Variants in SPTY2D1 observed in about 807,000 individuals in gnomAD.
The protein encoded by SPTY2D1 is SPT2 chromatin protein domain containing 1, also known as protein SPT2 homolog.
SPTY2D1 carries 21 observed loss-of-function variants against 64.0 expected under a neutral mutation model. The observed-to-expected ratio is 0.33, with a 90% CI of 0.23 to 0.47. The LOEUF is 0.47. SPTY2D1 is among the 20% of genes least tolerant of loss of function. The probability of loss-of-function intolerance (pLI) is 1.00; values close to 1 mark genes in which losing one functional copy is unlikely to be tolerated. For synonymous variants in SPTY2D1, 287 were observed against 286.8 expected (o/e 1.00, Z -0.01); for missense variants, 724 against 837.2 (o/e 0.86, Z 1.67).
At chr11:18,617,165 A>T (rs10500834) in intron 1 of SPTY2D1, among the ~76,000 whole-genome samples, 176 bp from the exon 2 acceptor site, 84,893 of 152,084 alleles carry the variant, frequency 0.56, 27,659 homozygotes, top group Middle Eastern at 0.75. Context: ...CAGACTATTT[A>T]TTACGTATGG....
Position 18,609,744 on chromosome 11 carries a change from C to A in SPTY2D1, c.*117G>T. The A allele has an allele frequency of 1.2e-6, 1 of 815,586 alleles. No individual in the cohort carries two copies. The highest frequency in any genetic ancestry group is 1.6e-5 in the South Asian group (1 of 60,626). The allele number at this position is 815,586 out of a possible 1,614,324, so 50.5% of individuals were successfully genotyped here. On this transcript the variant is annotated 3_prime_UTR_variant, in exon 6 of 6. Coordinates refer to ENST00000336349, the MANE Select transcript of SPTY2D1 (RefSeq NM_194285.3). Reference sequence around the variant, plus strand: ...CAGCCTGCAAATGACAGTATGCATTCCTTCTCCTTGAGTACCCAAGTATAA... The same window carrying A: ...CAGCCTGCAAATGACAGTATGCATTACTTCTCCTTGAGTACCCAAGTATAA...
intron 1 of SPTY2D1, among the ~76,000 whole-genome samples, chr11:18,629,236 C>T (rs576057452): frequency 2.6e-5 from 4 of 152,284 alleles, no homozygotes; most frequent in East Asian, 3.9e-4. Context: ...TGTGGTGGCT[C>T]GCGCCTGTAA....
chr11:18,611,159 A>G, intron 5 of SPTY2D1, among the ~76,000 whole-genome samples: 1 of 152,256 alleles, frequency 6.6e-6, no homozygotes, highest in East Asian at 1.9e-4. Context: ...AAAAACAGTG[A>G]TGGTCCAGTG....
intron 1 of SPTY2D1, among the ~76,000 whole-genome samples, chr11:18,624,093 C>T (rs1168616484): frequency 4.6e-5 from 7 of 151,896 alleles, no homozygotes; most frequent in Non-Finnish European, 1.5e-5. Flanking sequence ...GCAGGCAAGA[C>T]CTTTCAAAAG....
Position 18,616,859 on chromosome 11 carries a change from G to A in SPTY2D1, c.175+16C>T. 1.9e-6 allele frequency: 3 copies of A among 1,609,044 alleles called. No individual in the cohort carries two copies. The highest frequency in any genetic ancestry group is 2.6e-6 in the Non-Finnish European group (3 of 1,176,404). Reference sequence around the variant, plus strand: ...TGGAATACTTTAAAATTGAGAATAAGGCTATAGATACATACCTTTTCGTCT... The same window carrying A: ...TGGAATACTTTAAAATTGAGAATAAAGCTATAGATACATACCTTTTCGTCT... On this transcript the variant is annotated intron_variant, in intron 2 of 5. Transcript: ENST00000336349.
rs1854155794 is a variant in SPTY2D1 at position 18,609,283 on chromosome 11, T to C, written c.*578A>G. 2.0e-5 allele frequency: 3 copies of C among 152,904 alleles called. No homozygotes were observed. Among genetic ancestry groups the C allele is most frequent in the Admixed American group, 1.3e-4 (2 of 15,316 alleles). The allele number at this position is 152,904 out of a possible 1,614,324, so 9.5% of individuals were successfully genotyped here. A position where few individuals can be genotyped will look rare whatever the true frequency, so the allele number is the denominator to read the frequency against. ...GAATGCTCAGCATCCAATCCATGAATACAGAATTTATTCTACTTTGTACTT... is the reference window on the plus strand; with the variant it reads ...GAATGCTCAGCATCCAATCCATGAACACAGAATTTATTCTACTTTGTACTT... On this transcript the variant is annotated 3_prime_UTR_variant, in exon 6 of 6. Coordinates refer to ENST00000336349, the MANE Select transcript of SPTY2D1 (RefSeq NM_194285.3).
In SPTY2D1 at chr11:18,609,566, G is replaced by A. The variant is rs1854162650; in HGVS notation, c.*295C>T. 6.3e-6 allele frequency: 2 copies of A among 318,594 alleles called. No individual in the cohort carries two copies. The highest frequency in any genetic ancestry group is 1.1e-5 in the Non-Finnish European group (2 of 174,120). The allele number at this position is 318,594 out of a possible 1,614,324, so 19.7% of individuals were successfully genotyped here. ...AGGAACAATAAAAGATTGGCTGACT[G>A]GTGAGTGGCCCCACATTAGAGTGCA... On this transcript the variant is annotated 3_prime_UTR_variant, in exon 6 of 6. Coordinates refer to ENST00000336349, the MANE Select transcript of SPTY2D1 (RefSeq NM_194285.3).
chr11:18,617,588 T>C (rs373235845), intron 1 of SPTY2D1, among the ~76,000 whole-genome samples: 2 of 125,710 alleles, frequency 1.6e-5, no homozygotes, highest in South Asian at 2.5e-4. Flanking sequence ...ATTGTGCCAC[T>C]GCACTGTAGC....
chr11:18,633,460 CTT>C (rs1198048050), intron 1 of SPTY2D1, among the ~76,000 whole-genome samples: 1 of 152,232 alleles, frequency 6.6e-6, no homozygotes, highest in Non-Finnish European at 1.5e-5. Context: ...CTCTCCACCA[CTT>C]TACCATTTAA....
At chr11:18,621,706 C>G (rs545942381) in intron 1 of SPTY2D1, among the ~76,000 whole-genome samples, 1 of 152,166 alleles carries the variant, frequency 6.6e-6, no homozygotes, top group South Asian at 2.1e-4. Context: ...AGCAGTAAGG[C>G]AAGGTCAGCA....
At chr11:18,621,025 C>T (rs893464881) in intron 1 of SPTY2D1, among the ~76,000 whole-genome samples, 4 of 151,790 alleles carry the variant, frequency 2.6e-5, no homozygotes, top group African/African-American at 4.8e-5. Flanking sequence ...TGACTGAGGC[C>T]GGGCGTGGTG....
At position 18,607,662 on chromosome 11, in the gene SPTY2D1, T is replaced by C. The variant is rs1283367625; in HGVS notation, c.*2199A>G. The C allele has an allele frequency of 6.6e-6, 1 of 152,456 alleles. No individual in the cohort carries two copies. The allele number at this position is 152,456 out of a possible 1,614,324, so 9.4% of individuals were successfully genotyped here. A position where few individuals can be genotyped will look rare whatever the true frequency, so the allele number is the denominator to read the frequency against. On this transcript the variant is annotated 3_prime_UTR_variant, in exon 6 of 6. Transcript: ENST00000336349. Reference sequence around the variant, plus strand: ...GGTCAGGAAGTGCAGAAAAACAACATGGAAGACAGGATTTGGAAACAAGGC... The same window carrying C: ...GGTCAGGAAGTGCAGAAAAACAACACGGAAGACAGGATTTGGAAACAAGGC...
chr11:18,609,262 G>A lies in SPTY2D1; in HGVS notation c.*599C>T, dbSNP rs1297635021. On this transcript the variant is annotated 3_prime_UTR_variant, in exon 6 of 6. Coordinates refer to ENST00000336349, the MANE Select transcript of SPTY2D1 (RefSeq NM_194285.3). ...GCCACCTAAATTAATGAGTAAGAATGCTCAGCATCCAATCCATGAATACAG... is the reference window on the plus strand; with the variant it reads ...GCCACCTAAATTAATGAGTAAGAATACTCAGCATCCAATCCATGAATACAG... 6.5e-6 allele frequency: 1 copy of A among 152,698 alleles called. No individual in the cohort carries two copies. Among genetic ancestry groups the A allele is most frequent in the Non-Finnish European group, 1.5e-5 (1 of 68,184 alleles). The allele number at this position is 152,698 out of a possible 1,614,324, so 9.5% of individuals were successfully genotyped here. A position where few individuals can be genotyped will look rare whatever the true frequency, so the allele number is the denominator to read the frequency against.
rs1220703211 is a variant in SPTY2D1, at chr11:18,608,311, T to G, written c.*1550A>C. The stretch of plus-strand genomic sequence containing the variant: ...GTCCGTCTTAAAAGCCTGGCTCATA[T>G]GGTCCCATTAAGGGAGGCTAACAAT... On this transcript the variant is annotated 3_prime_UTR_variant, in exon 6 of 6. Transcript: ENST00000336349. The G allele has an allele frequency of 1.3e-5, 2 of 152,670 alleles. No homozygotes were observed. Among genetic ancestry groups the G allele is most frequent in the African/African-American group, 2.4e-5 (1 of 41,460 alleles). 9.5% of individuals were successfully genotyped at this position (152,670 alleles called of 1,614,324 possible).
chr11:18,614,874 C>A lies in SPTY2D1; in HGVS notation c.1400G>T (p.Arg467Leu), dbSNP rs199827890. The A allele has an allele frequency of 6.2e-7, 1 of 1,613,680 alleles. No homozygotes were observed. The highest frequency in any genetic ancestry group is 8.5e-7 in the Non-Finnish European group (1 of 1,179,738). Residue 467 changes from arginine to leucine, a missense_variant, in exon 3 of 6, where the codon CGG becomes CTG. Arg to Leu is a moderately radical substitution (Grantham distance 102, BLOSUM62 -2). This residue lies in a region of SPTY2D1 where 426 missense variants were observed against 431.8 expected (regional missense o/e 0.99). Transcript: ENST00000336349. ...AAGTTCATGTGGACTGCTCACAGGC[C>A]GGCCAGGGCCACGAGAGCTGCCCAA... ...RPLGSSRGPG[R>L]PVSSPHELRR...
At chr11:18,620,006 T>A (rs545416658) in intron 1 of SPTY2D1, among the ~76,000 whole-genome samples, 1 of 152,166 alleles carries the variant, frequency 6.6e-6, no homozygotes, top group African/African-American at 2.4e-5. Flanking sequence ...AAGTGGGATA[T>A]GACAAACCGA....
rs1324146515 is a variant in SPTY2D1, at chr11:18,609,403, T to C, written c.*458A>G. On this transcript the variant is annotated 3_prime_UTR_variant, in exon 6 of 6. Coordinates refer to ENST00000336349, the MANE Select transcript of SPTY2D1 (RefSeq NM_194285.3). ...AGATTAGGACAAGTCACTTTATTGCTGGCAACATTCATGGAAGGTCCAGGT... is the reference window on the plus strand; with the variant it reads ...AGATTAGGACAAGTCACTTTATTGCCGGCAACATTCATGGAAGGTCCAGGT... 1 of 157,396 alleles carries C rather than the reference T, an allele frequency of 6.4e-6. No individual in the cohort carries two copies. Among genetic ancestry groups the C allele is most frequent in the African/African-American group, 2.4e-5 (1 of 41,518 alleles). The allele number at this position is 157,396 out of a possible 1,614,324, so 9.7% of individuals were successfully genotyped here.
At chr11:18,633,621 G>A (rs745431937) in intron 1 of SPTY2D1, among the ~76,000 whole-genome samples, 22 of 152,182 alleles carry the variant, frequency 1.4e-4, no homozygotes, top group Non-Finnish European at 2.8e-4. Flanking sequence ...CAAGGATTTC[G>A]TGGAATCTGC....
At chr11:18,621,871 G>A (rs1854410877) in intron 1 of SPTY2D1, among the ~76,000 whole-genome samples, 1 of 151,908 alleles carries the variant, frequency 6.6e-6, no homozygotes, top group East Asian at 1.9e-4. Flanking sequence ...AGGATCGCTT[G>A]AGCACAGGAG....
Sources: gnomAD v4.1 joint callset for allele counts (sites outside exome capture counted in the v4.1 genomes callset) on GRCh38, gnomAD v4.1.1 for gene constraint, gnomAD v4.1.1 regional missense constraint, MANE v1.5 for transcripts, NCBI Gene and HGNC (gene_info 2026-07-23, HGNC 2026-07-21) for gene names.